The following ADAM12 variants were observed in gnomAD, a reference collection of about 807,000 sequenced individuals.
ADAM12 encodes the protein disintegrin and metalloproteinase domain-containing protein 12.
ADAM12 carries 70 observed loss-of-function variants against 106.4 expected under a neutral mutation model. That is an observed-to-expected ratio of 0.66 (90% confidence interval 0.54 to 0.80). The LOEUF (loss-of-function observed/expected upper bound fraction) is 0.80. Among genes scored for constraint, ADAM12 ranks in the 30% least tolerant of loss-of-function variants. The pLI is 0.00. For synonymous variants in ADAM12, 420 were observed against 433.5 expected (o/e 0.97, Z 0.39); for missense variants, 1,010 against 1,171.9 (o/e 0.86, Z 2.02).
At chr10:126,174,008 ATTTTTTTT>A (rs200354475) in intron 3 of ADAM12, among the ~76,000 whole-genome samples, 5 of 90,470 alleles carry the variant, frequency 5.5e-5, no homozygotes, top group South Asian at 3.3e-4. Flanking sequence ...TCTGTTGTTG[ATTTTTTTT>A]TTTTTTTTTT....
chr10:126,152,231 T>C (rs1240297623), intron 4 of ADAM12, among the ~76,000 whole-genome samples: 1 of 152,048 alleles, frequency 6.6e-6, no homozygotes, highest in Non-Finnish European at 1.5e-5. Flanking sequence ...TTTGGTAACC[T>C]TCTAGGAACC....
intron 11 of ADAM12, among the ~76,000 whole-genome samples, chr10:126,081,003 C>T (rs1327010950): frequency 1.3e-5 from 2 of 152,178 alleles, no homozygotes; most frequent in Non-Finnish European, 2.9e-5. Flanking sequence ...AGTTATCTGA[C>T]TTGCAAAAGC....
chr10:126,334,895 G>C (rs1854645481), intron 1 of ADAM12, among the ~76,000 whole-genome samples: 1 of 152,116 alleles, frequency 6.6e-6, no homozygotes, highest in African/African-American at 2.4e-5. Context: ...CCTGACCCTG[G>C]TCCTGACTCC....
At chr10:126,215,089 C>T (rs1957964365) in intron 3 of ADAM12, among the ~76,000 whole-genome samples, 1 of 152,218 alleles carries the variant, frequency 6.6e-6, no homozygotes. Flanking sequence ...ACCCATCTGT[C>T]CAGGCCAGCC....
At chr10:126,173,762 C>A (rs1957164486) in intron 3 of ADAM12, among the ~76,000 whole-genome samples, 7 of 152,002 alleles carry the variant, frequency 4.6e-5, no homozygotes, top group Admixed American at 4.6e-4. Flanking sequence ...CTGCCTGGGG[C>A]CCCGAGACCA....
At chr10:126,124,950 C>CAAT (rs1438393315) in intron 5 of ADAM12, among the ~76,000 whole-genome samples, 1 of 148,380 alleles carries the variant, frequency 6.7e-6, no homozygotes, top group African/African-American at 2.5e-5. Flanking sequence ...ACCAGCACAT[C>CAAT]AATAATAATA....
intron 14 of ADAM12, among the ~76,000 whole-genome samples, chr10:126,054,691 C>T (rs768275569): frequency 5.9e-5 from 9 of 152,306 alleles, no homozygotes; most frequent in Admixed American, 3.3e-4. Flanking sequence ...TACAAGCTCT[C>T]GAGGTTCTGT....
At chr10:126,226,158 G>C (rs1479856524) in intron 3 of ADAM12, among the ~76,000 whole-genome samples, 4 of 126,660 alleles carry the variant, frequency 3.2e-5, no homozygotes, top group Non-Finnish European at 6.3e-5. Flanking sequence ...GAAACCGGGT[G>C]CTCTGCATAA....
At chr10:126,317,755 C>G (rs1049754394) in intron 2 of ADAM12, among the ~76,000 whole-genome samples, 1 of 152,052 alleles carries the variant, frequency 6.6e-6, no homozygotes. Context: ...TCCTTTTATA[C>G]CATTTTATTT....
intron 3 of ADAM12, among the ~76,000 whole-genome samples, chr10:126,184,684 C>T (rs1471465589): frequency 2.0e-5 from 3 of 152,142 alleles, no homozygotes; most frequent in African/African-American, 4.8e-5. Context: ...ACGGCTGCCA[C>T]GCTTCAGTTC....
At chr10:126,135,563 G>A (rs779505080) in intron 5 of ADAM12, 21 bp downstream of exon 5, 16 of 1,610,916 alleles carry the variant, frequency 9.9e-6, no homozygotes, top group Middle Eastern at 1.6e-4. Flanking sequence ...GACTAGAGCC[G>A]CCATGGTCAT....
chr10:126,373,570 G>A (rs778565334), intron 1 of ADAM12, among the ~76,000 whole-genome samples: 1 of 152,200 alleles, frequency 6.6e-6, no homozygotes, highest in Non-Finnish European at 1.5e-5. Context: ...GAGGGTGTCT[G>A]TTCTTCTCAA....
intron 21 of ADAM12, among the ~76,000 whole-genome samples, chr10:126,026,873 A>G (rs1272538187): frequency 2.0e-5 from 3 of 151,912 alleles, no homozygotes; most frequent in African/African-American, 4.8e-5. Flanking sequence ...AACTAGAGAA[A>G]CAAGAGCAAA....
chr10:126,349,259 T>C (rs1855264605), intron 1 of ADAM12, among the ~76,000 whole-genome samples: 2 of 152,228 alleles, frequency 1.3e-5, no homozygotes, highest in South Asian at 4.1e-4. Context: ...ACAAAGTCTA[T>C]ACACAATGCA....
chr10:126,240,443 G>A (rs1015794535), intron 3 of ADAM12, among the ~76,000 whole-genome samples: 2 of 152,238 alleles, frequency 1.3e-5, no homozygotes, highest in African/African-American at 4.8e-5. Flanking sequence ...CATAGTGGAG[G>A]AGACCTACAT....
chr10:126,054,670 A>C (rs1331050416), intron 14 of ADAM12, among the ~76,000 whole-genome samples: 2 of 152,210 alleles, frequency 1.3e-5, no homozygotes, highest in Non-Finnish European at 2.9e-5. Context: ...AATGTCCAAA[A>C]GGCCTTGTTG....
intron 3 of ADAM12, among the ~76,000 whole-genome samples, chr10:126,189,240 A>T (rs1457369816): frequency 1.3e-5 from 2 of 152,216 alleles, no homozygotes; most frequent in Non-Finnish European, 2.9e-5. Flanking sequence ...CAAGGTGTTT[A>T]GACAGTGGGA....
intron 3 of ADAM12, among the ~76,000 whole-genome samples, chr10:126,212,546 C>CTTTAT (rs140637903): frequency 0.095 from 14,475 of 151,712 alleles, 739 homozygotes; most frequent in African/African-American, 0.11. Context: ...CTTCATTCCT[C>CTTTAT]TTTATTTTAT....
intron 3 of ADAM12, among the ~76,000 whole-genome samples, chr10:126,223,526 A>G (rs1958135407): frequency 6.6e-6 from 1 of 152,238 alleles, no homozygotes; most frequent in Non-Finnish European, 1.5e-5. Context: ...TCTATATAAA[A>G]TTTTTAAAAG....
Sources: gnomAD v4.1 joint callset for allele counts (sites outside exome capture counted in the v4.1 genomes callset) on GRCh38, gnomAD v4.1.1 for gene constraint, MANE v1.5 for transcripts, NCBI Gene and HGNC (gene_info 2026-07-23, HGNC 2026-07-21) for gene names.